Variants in HMCN2 observed in about 807,000 individuals in gnomAD.
HMCN2 encodes the protein hemicentin-2.
Under a neutral mutation model 377.5 loss-of-function variants are expected in HMCN2, and 325 were observed. That is an observed-to-expected ratio of 0.86 (90% confidence interval 0.79 to 0.94). The LOEUF is 0.94. HMCN2 is among the 40% of genes least tolerant of loss of function. The pLI, the probability that HMCN2 is intolerant of heterozygous loss-of-function variation, is 0.00. For missense variants in HMCN2, 4,543 were observed against 4,725.3 expected (o/e 0.96, Z 1.13); for synonymous variants, 2,007 against 2,046.8 (o/e 0.98, Z 0.53).
intron 15 of HMCN2, among the ~76,000 whole-genome samples, chr9:130,316,223 C>T (rs1186532761): frequency 6.6e-6 from 1 of 152,126 alleles, no homozygotes; most frequent in African/African-American, 2.4e-5. Context: ...AAGGAAGCAG[C>T]GTCAGGGACT....
chr9:130,369,594 G>GA lies in HMCN2; in HGVS notation c.6812_6813insA (p.Glu2272GlyfsTer40). Reference sequence around the variant, plus strand: ...GTTCCCCCTCAGATTGCCGGTCCCCGGGAGCCTCCCACACAAGTCTCTGTG... The same window carrying GA: ...GTTCCCCCTCAGATTGCCGGTCCCCGAGGAGCCTCCCACACAAGTCTCTGTG... On this transcript the variant is annotated frameshift_variant, in exon 45 of 98. Transcript: ENST00000683500. LOFTEE classifies it high-confidence loss of function. This position sits in a 1 kb window ranked among gnomAD's most constrained non-coding sequence, Gnocchi z 4.5. The GA allele has an allele frequency of 2.0e-6, 2 of 985,760 alleles. No homozygotes were observed. The highest frequency in any genetic ancestry group is 2.4e-6 in the Non-Finnish European group (2 of 829,946). The allele number at this position is 985,760 out of a possible 1,614,324, so 61.1% of individuals were successfully genotyped here. A position where few individuals can be genotyped will look rare whatever the true frequency, so the allele number is the denominator to read the frequency against.
intron 66 of HMCN2, among the ~76,000 whole-genome samples, 164 bp downstream of exon 66, chr9:130,392,282 C>T (rs958331377): frequency 2.0e-5 from 3 of 152,208 alleles, no homozygotes; most frequent in East Asian, 3.9e-4. Flanking sequence ...GGATGGGTCT[C>T]AGGGACCCAG....
At chr9:130,416,185 A>G (rs1588427366) in intron 85 of HMCN2, among the ~76,000 whole-genome samples, 1 of 148,330 alleles carries the variant, frequency 6.7e-6, no homozygotes, top group Non-Finnish European at 1.5e-5. Flanking sequence ...GCTCACTGCA[A>G]CCTCCACCTC....
chr9:130,352,303 G>A (rs1839771361), intron 30 of HMCN2, among the ~76,000 whole-genome samples: 2 of 152,206 alleles, frequency 1.3e-5, no homozygotes, highest in African/African-American at 2.4e-5. Flanking sequence ...ACCCCATAGA[G>A]CAATGTTGTA....
At chr9:130,280,676 G>A (rs1554925375) in intron 1 of HMCN2, among the ~76,000 whole-genome samples, 3 of 152,028 alleles carry the variant, frequency 2.0e-5, no homozygotes, top group African/African-American at 4.8e-5. Context: ...GAAATAGTAT[G>A]TTATTTATAC....
At chr9:130,336,094 A>G (rs1445566839) in intron 22 of HMCN2, among the ~76,000 whole-genome samples, 2 of 152,186 alleles carry the variant, frequency 1.3e-5, no homozygotes, top group East Asian at 3.9e-4. Flanking sequence ...CACATAGAGC[A>G]GTGAGTGAGT....
chr9:130,431,140 C>T (rs759343833), intron 95 of HMCN2: 26 of 585,624 alleles, frequency 4.4e-5, no homozygotes, highest in Non-Finnish European at 7.3e-5. Flanking sequence ...CTGCTTGCTC[C>T]TTCTATGCCT....
At position 130,294,878 on chromosome 9, in the gene HMCN2, G is replaced by A. The variant is rs1554931374; in HGVS notation, c.636G>A (p.Ala212=). 2.2e-6 allele frequency: 1 copy of A among 459,682 alleles called. No individual in the cohort carries two copies. Among genetic ancestry groups the A allele is most frequent in the Non-Finnish European group, 4.5e-6 (1 of 220,922 alleles). The allele number at this position is 459,682 out of a possible 1,614,324, so 28.5% of individuals were successfully genotyped here. A position where few individuals can be genotyped will look rare whatever the true frequency, so the allele number is the denominator to read the frequency against. ...AGGTGCTGAAGTGGGTGGAGTCAGC[G>A]ATCCAGGCCTCCAAGGTGCACCTGC... is the stretch of plus-strand genomic sequence containing the variant. The part of the protein sequence containing the change: ...VTEVLKWVES[A]IQASKVHLLS... Residue 212 remains alanine, a synonymous_variant, in exon 5 of 98, where the codon GCG becomes GCA. Coordinates refer to ENST00000683500, the MANE Select transcript of HMCN2 (RefSeq NM_001291815.2).
chr9:130,357,949 G>A lies in HMCN2; in HGVS notation c.5541G>A (p.Lys1847=), dbSNP rs781159140. 7.7e-7 allele frequency: 1 copy of A among 1,304,224 alleles called. No homozygotes were observed. 80.8% of individuals were successfully genotyped at this position (1,304,224 alleles called of 1,614,324 possible). The part of the protein sequence containing the change: ...GVPTPSLRWW[K]DGVALAAFGG... ...CCACCCCAAGCCTCCGTTGGTGGAA[G>A]GATGGTGTAGCCCTGGCAGCCTTTG... Residue 1847 remains lysine (K), a synonymous_variant, in exon 35 of 98, where the codon AAG becomes AAA. Coordinates refer to ENST00000683500, the MANE Select transcript of HMCN2 (RefSeq NM_001291815.2).
chr9:130,403,805 T>C lies in HMCN2; in HGVS notation c.12078T>C (p.Ala4026=). The C allele has an allele frequency of 2.3e-6, 3 of 1,289,800 alleles. No homozygotes were observed. The highest frequency in any genetic ancestry group is 3.0e-6 in the Non-Finnish European group (3 of 988,872). 79.9% of individuals were successfully genotyped at this position (1,289,800 alleles called of 1,614,324 possible). The change falls in exon 80 of 98, where the codon GCT becomes GCC. Residue 4026 remains alanine (A), a synonymous_variant. Transcript: ENST00000683500. ...LRIAHASPED[A]GNYLCIAKNS... Reference sequence around the variant, plus strand: ...TTGCCCATGCCAGCCCAGAGGATGCTGGAAACTATCTCTGCATCGCTAAGA... The same window carrying C: ...TTGCCCATGCCAGCCCAGAGGATGCCGGAAACTATCTCTGCATCGCTAAGA...
intron 90 of HMCN2, 53 bp from the exon 91 acceptor site, chr9:130,427,260 C>A: frequency 6.5e-7 from 1 of 1,535,402 alleles, no homozygotes. Flanking sequence ...GCCAGGGCAG[C>A]CTTGGGAGAG....
chr9:130,309,240 G>A (rs956999312), intron 14 of HMCN2, among the ~76,000 whole-genome samples: 6 of 152,122 alleles, frequency 3.9e-5, no homozygotes, highest in Admixed American at 6.5e-5. Flanking sequence ...GGGGGCAGGC[G>A]TGGTGACTCA....
rs894985407 is a variant in HMCN2, at chr9:130,428,116, G to A, written c.14066-242G>A. On this transcript the variant is annotated intron_variant, in intron 92 of 97. Coordinates refer to ENST00000683500, the MANE Select transcript of HMCN2 (RefSeq NM_001291815.2). The surrounding 1 kb of genome is among the most constrained non-coding windows in gnomAD (Gnocchi z 5.0). ...CTCCAAGCCGGGTGCCCAAGGGGAC[G>A]TTGTCTGCAGCCTTGCATTGGAAGC... Among the ~76,000 whole-genome samples, 3 of 152,180 alleles carry A rather than the reference G, an allele frequency of 2.0e-5. No homozygotes were observed. The highest frequency in any genetic ancestry group is 1.9e-4 in the East Asian group (1 of 5,188).
chr9:130,432,785 C>T (rs1844840231), intron 97 of HMCN2: 1 of 578,478 alleles, frequency 1.7e-6, no homozygotes, highest in Non-Finnish European at 3.1e-6. Context: ...AACCCCAGGA[C>T]AAAACTCAGA....
chr9:130,418,849 A>C lies in HMCN2; in HGVS notation c.13039A>C (p.Thr4347Pro), dbSNP rs1335155707. Residue 4347 changes from threonine to proline, a missense_variant, in exon 86 of 98, where the codon ACT becomes CCT. By Grantham distance (38) the Thr-to-Pro change is conservative (BLOSUM62 -1). Coordinates refer to ENST00000683500, the MANE Select transcript of HMCN2 (RefSeq NM_001291815.2). ...GDDVALRCQATGEPTPTIEWL... is the reference protein window; with the variant it reads ...GDDVALRCQAPGEPTPTIEWL... The stretch of plus-strand genomic sequence containing the variant: ...TGACGTGGCCCTGCGGTGCCAGGCC[A>C]CTGGAGAGCCCACACCCACCATTGA... 3 of 1,547,208 alleles carry C rather than the reference A, an allele frequency of 1.9e-6. No individual in the cohort carries two copies. The highest frequency in any genetic ancestry group is 2.0e-5 in the Admixed American group (1 of 50,750).
chr9:130,381,936 C>T (rs1234061781), intron 54 of HMCN2, among the ~76,000 whole-genome samples: 2 of 152,170 alleles, frequency 1.3e-5, no homozygotes, highest in African/African-American at 2.4e-5. Context: ...GCGTGTGCCC[C>T]ACAGAGGCAC....
At chr9:130,324,468 C>T (rs1331908294) in intron 19 of HMCN2, among the ~76,000 whole-genome samples, 1 of 152,192 alleles carries the variant, frequency 6.6e-6, no homozygotes, top group Non-Finnish European at 1.5e-5. Context: ...GCCTTCTTCA[C>T]TGTCAACATC....
At chr9:130,429,939 C>A (rs946473075) in intron 94 of HMCN2, 3 of 670,434 alleles carry the variant, frequency 4.5e-6, no homozygotes, top group Non-Finnish European at 7.2e-6. Context: ...GGTCATCTTC[C>A]GGGGAATTTC....
intron 34 of HMCN2, among the ~76,000 whole-genome samples, chr9:130,356,856 T>C (rs1840050072): frequency 6.6e-6 from 1 of 152,036 alleles, no homozygotes; most frequent in South Asian, 2.1e-4. Flanking sequence ...GGCCACAGAG[T>C]AGATGCTCAG....
Sources: gnomAD v4.1 joint callset for allele counts (sites outside exome capture counted in the v4.1 genomes callset) on GRCh38, gnomAD v4.1.1 for gene constraint, Gnocchi (gnomAD v3.1) non-coding constraint, MANE v1.5 for transcripts, NCBI Gene and HGNC (gene_info 2026-07-23, HGNC 2026-07-21) for gene names.